DIPK2B: variants seen among roughly 807,000 people sequenced by gnomAD.
DIPK2B encodes the protein divergent protein kinase domain 2B, also known as UPF0672 protein CXorf36.
In DIPK2B, 15 loss-of-function variants were observed where a neutral mutation model predicts 22.2. The ratio of observed to expected loss-of-function variants is 0.68; its 90% confidence interval spans 0.45 to 1.04. The LOEUF (loss-of-function observed/expected upper bound fraction) is 1.04, where lower values mean the gene tolerates loss of function less well. Among genes scored for constraint, DIPK2B ranks in the 50% least tolerant of loss-of-function variants. DIPK2B has a pLI of 0.00. For synonymous variants in DIPK2B, 163 were observed against 153.2 expected, an observed-to-expected ratio of 1.06 and a Z score of -0.47; for missense variants, 345 against 348.3, an observed-to-expected ratio of 0.99 and a Z score of 0.08.
intron 1 of DIPK2B, among the ~76,000 whole-genome samples, chrX:45,195,967 C>T (rs1403065068): frequency 8.9e-6 from 1 of 112,429 alleles, no homozygotes; most frequent in Non-Finnish European, 1.9e-5. Flanking sequence ...TTGGGACCTT[C>T]CCACACACTC....
At chrX:45,189,470 C>T (rs537785411) in intron 2 of DIPK2B, among the ~76,000 whole-genome samples, 21 of 111,120 alleles carry the variant, frequency 1.9e-4, no homozygotes, top group African/African-American at 6.2e-4. Context: ...AAAAATTACC[C>T]GGGTGTGGTG....
At chrX:45,197,483 G>A (rs1603120482) in intron 1 of DIPK2B, among the ~76,000 whole-genome samples, 1 of 111,422 alleles carries the variant, frequency 9.0e-6, no homozygotes, top group Admixed American at 9.6e-5. Context: ...TGATTTGCCC[G>A]CCTCGGCCTC....
At chrX:45,155,561 C>T (rs1189665603) in intron 3 of DIPK2B, among the ~76,000 whole-genome samples, 2 of 109,348 alleles carry the variant, frequency 1.8e-5, no homozygotes, top group East Asian at 2.9e-4. Context: ...GGCCTTAAGC[C>T]CCTCTTCTGC....
chrX:45,174,490 C>T (rs1294677397), intron 2 of DIPK2B, among the ~76,000 whole-genome samples: 1 of 110,596 alleles, frequency 9.0e-6, no homozygotes, highest in Non-Finnish European at 1.9e-5. Flanking sequence ...AAACAAGGTG[C>T]TATGGGAATA....
Position 45,150,258 on chromosome X carries a change from G to A in DIPK2B, c.*1394C>T, listed in dbSNP as rs72628903. 307 of 111,777 alleles carry A rather than the reference G, an allele frequency of 2.7e-3. 7 individuals are homozygous for A. The East Asian group carries it at 0.065, about 24-fold the overall frequency. 9.2% of individuals were successfully genotyped at this position (111,777 alleles called of 1,213,427 possible). On this transcript the variant is annotated 3_prime_UTR_variant, in exon 5 of 5. Transcript: ENST00000398000. The stretch of plus-strand genomic sequence containing the variant: ...GAGAGGTTCCTGGGGTTAAAGGCTG[G>A]CAGGGAAGCTGGGCAAATGTACAGA...
At chrX:45,187,446 A>G (rs1194720802) in intron 2 of DIPK2B, among the ~76,000 whole-genome samples, 1 of 98,667 alleles carries the variant, frequency 1.0e-5, no homozygotes, top group Non-Finnish European at 2.0e-5. Context: ...TAAGTGCTAC[A>G]CATGCTCGAG....
intron 2 of DIPK2B, chrX:45,162,570 G>T (rs759948537): frequency 3.2e-5 from 24 of 752,545 alleles, no homozygotes; most frequent in Non-Finnish European, 3.8e-5. Context: ...ACAGAATTGG[G>T]AAACCAACCA....
chrX:45,171,677 C>T lies in DIPK2B; in HGVS notation c.499-13789G>A, dbSNP rs1320615547. Among the ~76,000 whole-genome samples the T allele has an allele frequency of 5.3e-5, 6 of 112,302 alleles. No homozygotes were observed. The Admixed American group carries it at 5.6e-4, about 11-fold the overall frequency. On this transcript the variant is annotated intron_variant, in intron 2 of 4. Transcript: ENST00000398000. ...ATTGACATTTCCCTGTCCCATCCTT[C>T]CTCTCCCAGTTTAGGCCACACCCCC...
At chrX:45,172,846 CAA>C (rs752340772) in intron 2 of DIPK2B, among the ~76,000 whole-genome samples, 4 of 111,585 alleles carry the variant, frequency 3.6e-5, no homozygotes, top group Non-Finnish European at 7.5e-5. Flanking sequence ...TTTCTTAAAT[CAA>C]AAGACAGGAA....
chrX:45,188,154 C>A (rs754531748), intron 2 of DIPK2B, among the ~76,000 whole-genome samples: 1 of 111,956 alleles, frequency 8.9e-6, no homozygotes, highest in Non-Finnish European at 1.9e-5. Flanking sequence ...GATTTCCAAA[C>A]AAGAAATTAG....
Position 45,157,718 on chromosome X carries a change from T to C in DIPK2B, c.669A>G (p.Leu223=). ...TLAVNSHPIL[L]QIFPGAEGWP... ...GGCTTGCCAGGTCGCTGCATACCTGTAGGAGGATGGGGTGCGAGTTGACAG... is the reference window on the plus strand; with the variant it reads ...GGCTTGCCAGGTCGCTGCATACCTGCAGGAGGATGGGGTGCGAGTTGACAG... Residue 223 remains leucine (L), a synonymous_variant, in exon 3 of 5, where the codon CTA becomes CTG. Coordinates refer to ENST00000398000, the MANE Select transcript of DIPK2B (RefSeq NM_176819.4). 8.4e-7 allele frequency: 1 copy of C among 1,190,416 alleles called. No individual in the cohort carries two copies. Among genetic ancestry groups the C allele is most frequent in the Non-Finnish European group, 1.1e-6 (1 of 884,049 alleles).
At chrX:45,168,537 G>A (rs774114060) in intron 2 of DIPK2B, among the ~76,000 whole-genome samples, 1 of 112,317 alleles carries the variant, frequency 8.9e-6, no homozygotes, top group South Asian at 3.7e-4. Flanking sequence ...TTCCTTGGGC[G>A]GAGCTTCTTT....
At chrX:45,197,931 C>T (rs2047248699) in intron 1 of DIPK2B, among the ~76,000 whole-genome samples, 2 of 111,887 alleles carry the variant, frequency 1.8e-5, no homozygotes, top group Non-Finnish European at 3.8e-5. Flanking sequence ...TAAAAAAACT[C>T]TAGTTTCACA....
intron 2 of DIPK2B, among the ~76,000 whole-genome samples, chrX:45,185,978 C>A (rs1372848492): frequency 9.0e-6 from 1 of 111,384 alleles, no homozygotes; most frequent in Non-Finnish European, 1.9e-5. Flanking sequence ...TTCGTGAGCT[C>A]CATCAAGAAT....
chrX:45,151,710 G>A lies in DIPK2B; in HGVS notation c.1244C>T (p.Thr415Met), dbSNP rs765969937. 6.6e-6 allele frequency: 8 copies of A among 1,210,503 alleles called. No homozygotes were observed. The highest frequency in any genetic ancestry group is 2.3e-4 in the Middle Eastern group (1 of 4,374). ...ACGATAGGCAAATCTGGAGTCACAC[G>A]TTCTCAGGGGCCTCAAGATGTCTTT... ...QLKDILRPLR[T>M]CDSRFAYRYP... The change falls in exon 5 of 5, where the codon ACG (threonine) becomes ATG (methionine). Residue 415 changes from threonine (T) to methionine (M), a missense_variant. Transcript: ENST00000398000.
intron 2 of DIPK2B, among the ~76,000 whole-genome samples, chrX:45,190,267 A>G (rs1219479327): frequency 8.9e-6 from 1 of 112,110 alleles, no homozygotes; most frequent in Non-Finnish European, 1.9e-5. Flanking sequence ...TATTTGCTAA[A>G]TAAATGAAGC....
At chrX:45,193,375 A>G (rs1236847562) in intron 1 of DIPK2B, among the ~76,000 whole-genome samples, 1 of 112,160 alleles carries the variant, frequency 8.9e-6, no homozygotes, top group Non-Finnish European at 1.9e-5. Context: ...TGAGTTTTGG[A>G]TAATGCGTTT....
intron 2 of DIPK2B, among the ~76,000 whole-genome samples, chrX:45,181,171 C>G (rs2148345654): frequency 8.9e-6 from 1 of 111,760 alleles, no homozygotes; most frequent in South Asian, 3.7e-4. Flanking sequence ...AGATAGCTAG[C>G]AAAACGTGTG....
At chrX:45,167,495 CA>C (rs1156692662) in intron 2 of DIPK2B, among the ~76,000 whole-genome samples, 1,423 of 24,695 alleles carry the variant, frequency 0.058, 24 homozygotes, top group African/African-American at 0.14. Flanking sequence ...AAGACTGTCT[CA>C]AAAAAAAAAA....
Sources: gnomAD v4.1 joint callset for allele counts (sites outside exome capture counted in the v4.1 genomes callset) on GRCh38, gnomAD v4.1.1 for gene constraint, MANE v1.5 for transcripts, NCBI Gene and HGNC (gene_info 2026-07-23, HGNC 2026-07-21) for gene names.